The following NUDCD2 variants were observed in gnomAD, a reference collection of about 807,000 sequenced individuals.
NUDCD2 encodes NudC domain containing 2.
Under a neutral mutation model 20.8 loss-of-function variants are expected in NUDCD2, and 16 were observed. The ratio of observed to expected loss-of-function variants is 0.77; its 90% confidence interval spans 0.52 to 1.17. The LOEUF (loss-of-function observed/expected upper bound fraction) is 1.17. NUDCD2 is among the 50% of genes most tolerant of loss of function. The probability of loss-of-function intolerance (pLI) is 0.00; values close to 1 mark genes in which losing one functional copy is unlikely to be tolerated. For synonymous variants in NUDCD2, 87 were observed against 72.8 expected (o/e 1.20, Z -1.00); for missense variants, 199 against 193.9 (o/e 1.03, Z -0.16).
At position 163,452,029 on chromosome 5, in the gene NUDCD2, G is replaced by A. The variant is rs1455949564; in HGVS notation, c.*1938C>T. The A allele has an allele frequency of 6.6e-6, 1 of 151,752 alleles. No homozygotes were observed. Among genetic ancestry groups the A allele is most frequent in the Non-Finnish European group, 1.5e-5 (1 of 67,996 alleles). 9.4% of individuals were successfully genotyped at this position (151,752 alleles called of 1,614,324 possible). A position where few individuals can be genotyped will look rare whatever the true frequency, so the allele number is the denominator to read the frequency against. On this transcript the variant is annotated 3_prime_UTR_variant, in exon 4 of 4. Coordinates refer to ENST00000302764, the MANE Select transcript of NUDCD2 (RefSeq NM_145266.6). ...GATCGCGCGACTGCACTCCAGTCTGGGCAACAAGAGTGAAACTCCACCTTA... is the reference window on the plus strand; with the variant it reads ...GATCGCGCGACTGCACTCCAGTCTGAGCAACAAGAGTGAAACTCCACCTTA...
At position 163,446,602 on chromosome 5, in the gene NUDCD2, TAAC is replaced by T. The variant is rs1269929537; in HGVS notation, c.*7362_*7364del. On this transcript the variant is annotated 3_prime_UTR_variant, in exon 4 of 4. Coordinates refer to ENST00000302764, the MANE Select transcript of NUDCD2 (RefSeq NM_145266.6). ...TGCTGTCATCATGATCATAGAATAA[TAAC>T]AACACTCAATTTATTTCTCTATACT... 6.6e-6 allele frequency: 1 copy of T among 152,230 alleles called. No homozygotes were observed. Among genetic ancestry groups the T allele is most frequent in the South Asian group, 2.1e-4 (1 of 4,834 alleles). The allele number at this position is 152,230 out of a possible 1,614,324, so 9.4% of individuals were successfully genotyped here.
chr5:163,456,980 C>G lies in NUDCD2; in HGVS notation c.339G>C (p.Trp113Cys). Residue 113 changes from tryptophan (W) to cysteine (C), a missense_variant, in exon 3 of 4, where the codon TGG becomes TGC. Physicochemically the swap from Trp to Cys is radical, Grantham distance 215 (BLOSUM62 -2). Transcript: ENST00000302764. ...LLESEYAADP[W>C]VQDQMQRKLT... ...GCTTTCTCTGCATTTGGTCTTGCAC[C>G]CAAGGATCCGCTGCATATTCAGATT... 1 of 1,612,760 alleles carries G rather than the reference C, an allele frequency of 6.2e-7. No homozygotes were observed. Among genetic ancestry groups the G allele is most frequent in the Non-Finnish European group, 8.5e-7 (1 of 1,179,530 alleles).
At chr5:163,456,551 C>A (rs1473847354) in intron 3 of NUDCD2, among the ~76,000 whole-genome samples, 1 of 151,972 alleles carries the variant, frequency 6.6e-6, no homozygotes, top group African/African-American at 2.4e-5. Flanking sequence ...ACAAAACAAG[C>A]AATAGCCAAC....
intron 2 of NUDCD2, 52 bp downstream of exon 2, chr5:163,457,510 G>C (rs935981557): frequency 2.9e-6 from 3 of 1,052,458 alleles, no homozygotes; most frequent in Non-Finnish European, 4.4e-6. Context: ...AAGAGGAAAA[G>C]ATATCAAGAC....
Position 163,460,058 on chromosome 5 carries a change from TC to T in NUDCD2, c.-9del. The T allele has an allele frequency of 6.5e-7, 1 of 1,549,892 alleles. No individual in the cohort carries two copies. The highest frequency in any genetic ancestry group is 8.7e-7 in the Non-Finnish European group (1 of 1,149,254). ...CTCAAACGGGGCCGACATAATCCAG[TC>T]CCTCCCGGCCGCGGCCGCACCAGGC... On this transcript the variant is annotated 5_prime_UTR_variant, in exon 1 of 4. Transcript: ENST00000302764.
chr5:163,448,519 A>G lies in NUDCD2; in HGVS notation c.*5448T>C, dbSNP rs1758100507. On this transcript the variant is annotated 3_prime_UTR_variant, in exon 4 of 4. Coordinates refer to ENST00000302764, the MANE Select transcript of NUDCD2 (RefSeq NM_145266.6). ...TAAATTCTCTATTTTTAAAAATTGA[A>G]CCATTGTTTAAAACCTTACTAGCAA... 1 of 152,198 alleles carries G rather than the reference A, an allele frequency of 6.6e-6. No homozygotes were observed. Among genetic ancestry groups the G allele is most frequent in the African/African-American group, 2.4e-5 (1 of 41,466 alleles). 9.4% of individuals were successfully genotyped at this position (152,198 alleles called of 1,614,324 possible).
rs1758166505 is a variant in NUDCD2 at position 163,451,154 on chromosome 5, T to A, written c.*2813A>T. Reference sequence around the variant, plus strand: ...CAGGAGAAGGATAAAAGCTAAACTATACAAGGTTTCTATCTGAGGTGATGA... The same window carrying A: ...CAGGAGAAGGATAAAAGCTAAACTAAACAAGGTTTCTATCTGAGGTGATGA... On this transcript the variant is annotated 3_prime_UTR_variant, in exon 4 of 4. Transcript: ENST00000302764. 6.6e-6 allele frequency: 1 copy of A among 152,322 alleles called. No individual in the cohort carries two copies. The highest frequency in any genetic ancestry group is 1.5e-5 in the Non-Finnish European group (1 of 68,018). The allele number at this position is 152,322 out of a possible 1,614,324, so 9.4% of individuals were successfully genotyped here. A position where few individuals can be genotyped will look rare whatever the true frequency, so the allele number is the denominator to read the frequency against.
Position 163,459,724 on chromosome 5 carries a change from C to G in NUDCD2, c.189+138G>C, listed in dbSNP as rs943820871. ...GAAGAGGCGGGGGCTCTGACCAGACCCAAACCTGGTCAGTGTTATCCTCTT... is the reference window on the plus strand; with the variant it reads ...GAAGAGGCGGGGGCTCTGACCAGACGCAAACCTGGTCAGTGTTATCCTCTT... On this transcript the variant is annotated intron_variant, in intron 1 of 3. Coordinates refer to ENST00000302764, the MANE Select transcript of NUDCD2 (RefSeq NM_145266.6). The G allele has an allele frequency of 8.6e-6, 6 of 694,266 alleles. No homozygotes were observed. In the East Asian group the frequency reaches 1.8e-4, roughly 21 times the overall value. 43.0% of individuals were successfully genotyped at this position (694,266 alleles called of 1,614,324 possible).
At position 163,457,571 on chromosome 5, in the gene NUDCD2, A is replaced by G; in HGVS notation, c.229T>C (p.Trp77Arg). 1.3e-6 allele frequency: 2 copies of G among 1,573,374 alleles called. No individual in the cohort carries two copies. Among genetic ancestry groups the G allele is most frequent in the Non-Finnish European group, 1.7e-6 (2 of 1,143,390 alleles). ...FDSTIADEGT[W>R]TLEDRKMVRI... ...TAGTAATTACCCTTACCCAAAGTCC[A>G]TGTTCCCTCATCAGCTATTGTAGAA... Residue 77 changes from tryptophan (W) to arginine (R), a missense_variant, in exon 2 of 4, where the codon TGG (tryptophan) becomes CGG (arginine). Coordinates refer to ENST00000302764, the MANE Select transcript of NUDCD2 (RefSeq NM_145266.6).
At chr5:163,455,669 C>G (rs980115744) in intron 3 of NUDCD2, among the ~76,000 whole-genome samples, 1 of 148,738 alleles carries the variant, frequency 6.7e-6, no homozygotes, top group Admixed American at 6.8e-5. Flanking sequence ...GAGGCTGAGG[C>G]AGGAGACTGG....
rs1227445416 is a variant in NUDCD2 at position 163,452,170 on chromosome 5, A to T, written c.*1797T>A. On this transcript the variant is annotated 3_prime_UTR_variant, in exon 4 of 4. Transcript: ENST00000302764. ...AATGAAGCCCATGGGATCAGAATTT[A>T]TATGTGAATTCATGGTTTTCAATAT... 1 of 152,230 alleles carries T rather than the reference A, an allele frequency of 6.6e-6. No individual in the cohort carries two copies. Among genetic ancestry groups the T allele is most frequent in the Non-Finnish European group, 1.5e-5 (1 of 68,024 alleles). 9.4% of individuals were successfully genotyped at this position (152,230 alleles called of 1,614,324 possible).
chr5:163,457,152 T>C (rs78823904), intron 2 of NUDCD2, 72 bp from the exon 3 acceptor site: 1 of 1,457,192 alleles, frequency 6.9e-7, no homozygotes, highest in Non-Finnish European at 9.2e-7. Context: ...TTTTTTTTTT[T>C]TGAGACAGTA....
Position 163,459,744 on chromosome 5 carries a change from C to CCTCTTT in NUDCD2, c.189+112_189+117dup. 1.3e-5 allele frequency: 11 copies of CCTCTTT among 865,842 alleles called. No individual in the cohort carries two copies. In the South Asian group the frequency reaches 1.7e-4, roughly 13 times the overall value. 53.6% of individuals were successfully genotyped at this position (865,842 alleles called of 1,614,324 possible). A position where few individuals can be genotyped will look rare whatever the true frequency, so the allele number is the denominator to read the frequency against. On this transcript the variant is annotated intron_variant, in intron 1 of 3. Coordinates refer to ENST00000302764, the MANE Select transcript of NUDCD2 (RefSeq NM_145266.6). ...CAGACCCAAACCTGGTCAGTGTTAT[C>CCTCTTT]CTCTTTCTCTTTCTGCCAGCCACAG...
At chr5:163,454,119 T>C (rs1758243486) in intron 3 of NUDCD2, 69 bp from the exon 4 acceptor site, 2 of 762,742 alleles carry the variant, frequency 2.6e-6, no homozygotes, top group East Asian at 3.0e-5. Context: ...AAACTGGCAA[T>C]TGATAAAAAA....
intron 1 of NUDCD2, 190 bp downstream of exon 1, chr5:163,459,672 A>C: frequency 2.3e-6 from 1 of 438,028 alleles, no homozygotes; most frequent in African/African-American, 2.0e-5. Context: ...TAGGCTCCTC[A>C]AATTTCCACA....
In NUDCD2 at chr5:163,453,841, A is replaced by G; in HGVS notation, c.*126T>C. 1 of 456,484 alleles carries G rather than the reference A, an allele frequency of 2.2e-6. No individual in the cohort carries two copies. Among genetic ancestry groups the G allele is most frequent in the Non-Finnish European group, 4.0e-6 (1 of 249,492 alleles). 28.3% of individuals were successfully genotyped at this position (456,484 alleles called of 1,614,324 possible). A position where few individuals can be genotyped will look rare whatever the true frequency, so the allele number is the denominator to read the frequency against. ...ATGTTTGAATGCAATTTTTAGAACC[A>G]TTTTAAGATACATTTTGCAATCTGT... On this transcript the variant is annotated 3_prime_UTR_variant, in exon 4 of 4. Transcript: ENST00000302764.
Position 163,447,444 on chromosome 5 carries a change from C to CAAAAAAAAAAAAAAAAAAAAA in NUDCD2, c.*6522_*6523insTTTTTTTTTTTTTTTTTTTTT, listed in dbSNP as rs58594749. The CAAAAAAAAAAAAAAAAAAAAA allele has an allele frequency of 8.6e-6, 1 of 116,716 alleles. No individual in the cohort carries two copies. 7.2% of individuals were successfully genotyped at this position (116,716 alleles called of 1,614,324 possible). On this transcript the variant is annotated 3_prime_UTR_variant, in exon 4 of 4. Coordinates refer to ENST00000302764, the MANE Select transcript of NUDCD2 (RefSeq NM_145266.6). ...CCAGCCTGAGTGACAGGGTAAGACT[C>CAAAAAAAAAAAAAAAAAAAAA]AAAAAAAAAAAAAAAAACATGAAGC...
chr5:163,451,413 A>G lies in NUDCD2; in HGVS notation c.*2554T>C, dbSNP rs1758172283. ...AGTAGGGTGTGTAGAGTACAAAGAG[A>G]GCACGAGAGTTTTTACGGTGATTGA... is the stretch of plus-strand genomic sequence containing the variant. On this transcript the variant is annotated 3_prime_UTR_variant, in exon 4 of 4. Transcript: ENST00000302764. 2 of 152,270 alleles carry G rather than the reference A, an allele frequency of 1.3e-5. No homozygotes were observed. Among genetic ancestry groups the G allele is most frequent in the African/African-American group, 4.8e-5 (2 of 41,552 alleles). 9.4% of individuals were successfully genotyped at this position (152,270 alleles called of 1,614,324 possible).
intron 3 of NUDCD2, among the ~76,000 whole-genome samples, chr5:163,456,304 T>C (rs1422009304): frequency 1.3e-5 from 2 of 152,214 alleles, no homozygotes; most frequent in Non-Finnish European, 2.9e-5. Context: ...TTCACAGAGA[T>C]GAAAGCACAG....
Sources: gnomAD v4.1 joint callset for allele counts (sites outside exome capture counted in the v4.1 genomes callset) on GRCh38, gnomAD v4.1.1 for gene constraint, MANE v1.5 for transcripts, NCBI Gene and HGNC (gene_info 2026-07-23, HGNC 2026-07-21) for gene names.